Variants in MCTP2 observed in about 807,000 individuals in gnomAD.
MCTP2 encodes the protein multiple C2 and transmembrane domain containing 2, also known as multiple C2 and transmembrane domain-containing protein 2.
Under a neutral mutation model 111.6 loss-of-function variants are expected in MCTP2, and 132 were observed. The ratio of observed to expected loss-of-function variants is 1.18; its 90% CI spans 1.03 to 1.37. The LOEUF is 1.37. Among genes scored for constraint, MCTP2 ranks in the 40% most tolerant of loss-of-function variants. The probability of loss-of-function intolerance (pLI) is 0.00; values close to 1 mark genes in which losing one functional copy is unlikely to be tolerated. For missense variants in MCTP2, 1,183 were observed against 1,067.9 expected (o/e 1.11, Z -1.50); for synonymous variants, 395 against 387.7 (o/e 1.02, Z -0.22).
intron 8 of MCTP2, among the ~76,000 whole-genome samples, chr15:94,347,677 A>G (rs1168448869): frequency 1.3e-5 from 2 of 152,228 alleles, no homozygotes; most frequent in African/African-American, 4.8e-5. Flanking sequence ...TTTACTATAT[A>G]CAATCTTTGG....
In MCTP2 at chr15:94,374,347, A is replaced by G. The variant is rs114288705; in HGVS notation, c.1582+4167A>G. Reference sequence around the variant, plus strand: ...GTTACCCATTGAGAGAGATCAGCCAATGAAGAGTAGGAAACTATATTGGTT... The same window carrying G: ...GTTACCCATTGAGAGAGATCAGCCAGTGAAGAGTAGGAAACTATATTGGTT... On this transcript the variant is annotated intron_variant, in intron 12 of 22. Transcript: ENST00000357742. Among the ~76,000 whole-genome samples, 254 of 152,344 alleles carry G rather than the reference A, an allele frequency of 1.7e-3. 1 individual carries two copies. Among genetic ancestry groups the G allele is most frequent in the African/African-American group, 6.0e-3 (248 of 41,586 alleles).
intron 8 of MCTP2, among the ~76,000 whole-genome samples, chr15:94,351,434 T>C (rs961901068): frequency 6.6e-6 from 1 of 152,236 alleles, no homozygotes; most frequent in African/African-American, 2.4e-5. Context: ...GTTTTCTCTT[T>C]AGTTTTCAAA....
intron 2 of MCTP2, among the ~76,000 whole-genome samples, chr15:94,304,983 C>T (rs1441710228): frequency 6.6e-6 from 1 of 152,070 alleles, no homozygotes; most frequent in South Asian, 2.1e-4. Context: ...TCATGGTGGC[C>T]TGGCATCCAT....
rs540056952 is a variant in MCTP2 at position 94,367,789 on chromosome 15, T to C, written c.1486T>C (p.Tyr496His). 4.4e-5 allele frequency: 70 copies of C among 1,597,578 alleles called. No homozygotes were observed. The Admixed American group carries it at 6.3e-4, about 14-fold the overall frequency. Residue 496 changes from tyrosine (Y) to histidine (H), a missense_variant and splice_region_variant, in exon 11 of 23, where the codon TAT becomes CAT. Transcript: ENST00000357742. ...LSERKQITQR[Y>H]CLQNSLKDVK... ...CGAAAGAAAGCAGATTACCCAGCGA[T>C]ATGTGAGTGTTTTTCCTTATTGTAC...
intron 4 of MCTP2, among the ~76,000 whole-genome samples, chr15:94,320,363 GATCTCCT>G (rs2076577434): frequency 6.6e-6 from 1 of 151,952 alleles, no homozygotes; most frequent in Non-Finnish European, 1.5e-5. Flanking sequence ...GGATGGTCTC[GATCTCCT>G]GACCTTGTGA....
chr15:94,326,059 T>TCTGC (rs2076858337), intron 4 of MCTP2, among the ~76,000 whole-genome samples: 1 of 152,230 alleles, frequency 6.6e-6, no homozygotes, highest in East Asian at 1.9e-4. Context: ...GACCTTGTGA[T>TCTGC]CTGCCTGCCT....
rs997116637 is a variant in MCTP2, at chr15:94,253,833, G to T, written c.-66+22169G>T. 1.0e-3 allele frequency among the ~76,000 whole-genome samples: 154 copies of T among 151,708 alleles called. 1 individual carries two copies. The highest frequency in any genetic ancestry group is 6.2e-4 in the South Asian group (3 of 4,818). ...ACAAGTGTAACCATTAAACTCCAGA[G>T]ACTGAAACAGTTTTCTCATCAGCTT... On this transcript the variant is annotated intron_variant, in intron 1 of 22. Transcript: ENST00000357742.
At chr15:94,391,113 G>A (rs868834860) in intron 14 of MCTP2, among the ~76,000 whole-genome samples, 4 of 151,874 alleles carry the variant, frequency 2.6e-5, no homozygotes, top group Middle Eastern at 3.4e-3. Flanking sequence ...CAGAAGCATG[G>A]GTCTTTATAC....
chr15:94,333,819 C>G (rs936164742), intron 4 of MCTP2, among the ~76,000 whole-genome samples: 13 of 152,166 alleles, frequency 8.5e-5, no homozygotes, highest in Admixed American at 6.5e-4. Flanking sequence ...CTTATGAGGA[C>G]TTAGTGATTT....
At chr15:94,419,567 T>G (rs908821669) in intron 17 of MCTP2, among the ~76,000 whole-genome samples, 1 of 152,068 alleles carries the variant, frequency 6.6e-6, no homozygotes, top group Admixed American at 6.6e-5. Flanking sequence ...TTTCTCTAAA[T>G]AGGACCTTGA....
chr15:94,259,318 C>A (rs1276317465), intron 1 of MCTP2, among the ~76,000 whole-genome samples: 1 of 152,154 alleles, frequency 6.6e-6, no homozygotes, highest in Non-Finnish European at 1.5e-5. Context: ...CAGCCTGGCA[C>A]CTGGGGCAGA....
rs78333424 is a variant in MCTP2 at position 94,447,352 on chromosome 15, G to A, written c.2250+4392G>A. 9.6e-3 allele frequency among the ~76,000 whole-genome samples: 1,458 copies of A among 152,222 alleles called. 21 individuals are homozygous for A. Among genetic ancestry groups the A allele is most frequent in the African/African-American group, 0.033 (1,371 of 41,534 alleles). The stretch of plus-strand genomic sequence containing the variant: ...TCTTCTTAACAATCTAACAATGAGA[G>A]TAGTTTTGTCTATAATTCATTTGTG... On this transcript the variant is annotated intron_variant, in intron 19 of 22. Transcript: ENST00000357742.
intron 17 of MCTP2, among the ~76,000 whole-genome samples, chr15:94,403,945 G>T (rs1401397590): frequency 6.6e-6 from 1 of 152,160 alleles, no homozygotes; most frequent in Non-Finnish European, 1.5e-5. Flanking sequence ...TGAAAAAAAT[G>T]CAGAGCCAGT....
At chr15:94,469,475 C>A (rs1028691058) in intron 20 of MCTP2, among the ~76,000 whole-genome samples, 1 of 152,120 alleles carries the variant, frequency 6.6e-6, no homozygotes, top group Non-Finnish European at 1.5e-5. Flanking sequence ...CAAATGCTTC[C>A]CCATTTATTT....
intron 14 of MCTP2, among the ~76,000 whole-genome samples, chr15:94,393,143 G>T (rs956490062): frequency 6.6e-6 from 1 of 151,994 alleles, no homozygotes; most frequent in Non-Finnish European, 1.5e-5. Flanking sequence ...AAAACATTTT[G>T]GAGTGACTAA....
intron 19 of MCTP2, among the ~76,000 whole-genome samples, chr15:94,457,486 A>C (rs1047741444): frequency 6.6e-6 from 1 of 152,152 alleles, no homozygotes; most frequent in Non-Finnish European, 1.5e-5. Context: ...TCATGAGGAG[A>C]TCGCAATCAA....
chr15:94,323,958 G>C (rs577450698), intron 4 of MCTP2, among the ~76,000 whole-genome samples: 1 of 152,216 alleles, frequency 6.6e-6, no homozygotes, highest in Non-Finnish European at 1.5e-5. Flanking sequence ...TGTTATACAA[G>C]ATGTATTGTT....
chr15:94,362,282 TCCATTTTGAG>T (rs1420153030), intron 10 of MCTP2, among the ~76,000 whole-genome samples: 2 of 152,192 alleles, frequency 1.3e-5, no homozygotes, highest in African/African-American at 2.4e-5. Flanking sequence ...TATAGATTAT[TCCATTTTGAG>T]CCATTTCAAA....
chr15:94,279,807 T>C (rs2074388370), intron 1 of MCTP2, among the ~76,000 whole-genome samples: 1 of 152,200 alleles, frequency 6.6e-6, no homozygotes, highest in Non-Finnish European at 1.5e-5. Context: ...TGAGGGTTTT[T>C]AACATGAAGG....
Sources: gnomAD v4.1 joint callset for allele counts (sites outside exome capture counted in the v4.1 genomes callset) on GRCh38, gnomAD v4.1.1 for gene constraint, MANE v1.5 for transcripts, NCBI Gene and HGNC (gene_info 2026-07-23, HGNC 2026-07-21) for gene names.